KCNK2: variants seen among roughly 807,000 people sequenced by gnomAD.
KCNK2 encodes potassium two pore domain channel subfamily K member 2, also known as potassium channel subfamily K member 2.
KCNK2 carries 21 observed loss-of-function variants against 40.5 expected under a neutral mutation model. The ratio of observed to expected loss-of-function variants is 0.52; its 90% confidence interval spans 0.37 to 0.75. KCNK2 has a LOEUF of 0.75. Among genes scored for constraint, KCNK2 ranks in the 30% least tolerant of loss-of-function variants. The probability of loss-of-function intolerance (pLI) is 0.00; values close to 1 mark genes in which losing one functional copy is unlikely to be tolerated. For missense variants in KCNK2, 399 were observed against 531.6 expected, an observed-to-expected ratio of 0.75 and a Z score of 2.45; for synonymous variants, 191 against 202.2, an observed-to-expected ratio of 0.94 and a Z score of 0.47.
At chr1:215,074,778 C>T (rs1411683142) in intron 1 of KCNK2, among the ~76,000 whole-genome samples, 1 of 151,966 alleles carries the variant, frequency 6.6e-6, no homozygotes, top group Non-Finnish European at 1.5e-5. Context: ...ACCTGTGATG[C>T]CAGAGGTAAG....
intron 3 of KCNK2, among the ~76,000 whole-genome samples, chr1:215,143,583 G>A (rs55804708): frequency 0.095 from 14,520 of 152,056 alleles, 2,268 homozygotes; most frequent in African/African-American, 0.33. Flanking sequence ...GGATAAGTAC[G>A]CCAAAGCATT....
chr1:215,016,825 AG>A (rs1656604428), intron 1 of KCNK2, among the ~76,000 whole-genome samples: 1 of 152,322 alleles, frequency 6.6e-6, no homozygotes, highest in South Asian at 2.1e-4. Flanking sequence ...AAGGAAAAGA[AG>A]AAAATATTTG....
At chr1:215,118,476 G>A (rs1337175794) in intron 2 of KCNK2, among the ~76,000 whole-genome samples, 1 of 152,152 alleles carries the variant, frequency 6.6e-6, no homozygotes, top group Non-Finnish European at 1.5e-5. Flanking sequence ...GTGGTCACAT[G>A]TAGTGTTGTG....
chr1:215,035,506 T>C (rs1657353039), intron 1 of KCNK2, among the ~76,000 whole-genome samples: 1 of 152,072 alleles, frequency 6.6e-6, no homozygotes, highest in Non-Finnish European at 1.5e-5. Context: ...TATGATTGAA[T>C]CTTACATATG....
upstream of KCNK2, among the ~76,000 whole-genome samples, chr1:215,082,514 G>C (rs985391787): frequency 2.0e-5 from 3 of 152,122 alleles, no homozygotes; most frequent in African/African-American, 4.8e-5. Context: ...AGGATTTTGC[G>C]GGGTGGGGAT....
At chr1:215,066,668 T>C (rs1171321367) in intron 1 of KCNK2, among the ~76,000 whole-genome samples, 1 of 152,126 alleles carries the variant, frequency 6.6e-6, no homozygotes, top group East Asian at 1.9e-4. Flanking sequence ...CAATAGTCAG[T>C]AGAGAGGGCT....
chr1:215,065,561 C>T (rs1157492), intron 1 of KCNK2, among the ~76,000 whole-genome samples: 77,938 of 151,904 alleles, frequency 0.51, 20,761 homozygotes, highest in South Asian at 0.81. Context: ...CTTCTTAATG[C>T]CTCAGTTTCA....
chr1:215,029,331 T>A (rs143623466), intron 1 of KCNK2, among the ~76,000 whole-genome samples: 1 of 151,688 alleles, frequency 6.6e-6, no homozygotes, highest in Non-Finnish European at 1.5e-5. Context: ...CCTATCCCCA[T>A]AGTTTTGCCT....
intron 2 of KCNK2, among the ~76,000 whole-genome samples, chr1:215,094,245 A>G (rs1659880411): frequency 6.6e-6 from 1 of 151,870 alleles, no homozygotes; most frequent in Non-Finnish European, 1.5e-5. Flanking sequence ...TTTTGTACCT[A>G]ATTATAGATT....
chr1:215,043,542 T>G (rs1657639177), intron 1 of KCNK2, among the ~76,000 whole-genome samples: 1 of 152,204 alleles, frequency 6.6e-6, no homozygotes. Flanking sequence ...AACAAGCCAT[T>G]CACCAAAGGA....
intron 3 of KCNK2, among the ~76,000 whole-genome samples, chr1:215,158,267 G>C (rs1351737547): frequency 6.6e-6 from 1 of 152,120 alleles, no homozygotes; most frequent in African/African-American, 2.4e-5. Context: ...TCCATTTTGT[G>C]GTCAGTGAAA....
At chr1:215,019,268 C>T (rs537303286) in intron 1 of KCNK2, among the ~76,000 whole-genome samples, 1 of 152,282 alleles carries the variant, frequency 6.6e-6, no homozygotes, top group African/African-American at 2.4e-5. Context: ...TATTATACTT[C>T]GTTTTTACCT....
intron 2 of KCNK2, among the ~76,000 whole-genome samples, chr1:215,092,980 G>C (rs1049609451): frequency 3.3e-5 from 5 of 152,124 alleles, no homozygotes; most frequent in African/African-American, 4.8e-5. Context: ...TGATTATTAG[G>C]ACATCCAAGT....
rs369483419 is a variant in KCNK2, at chr1:215,167,414, T to G, written c.476-1785T>G. On this transcript the variant is annotated intron_variant, in intron 3 of 6. Coordinates refer to ENST00000444842, the MANE Select transcript of KCNK2 (RefSeq NM_001017425.3). Reference sequence around the variant, plus strand: ...CTAAAATCAAAGTTCCAAATTAATTTAATATGAAGGACAGTAAGAGGTTTG... The same window carrying G: ...CTAAAATCAAAGTTCCAAATTAATTGAATATGAAGGACAGTAAGAGGTTTG... Among the ~76,000 whole-genome samples the G allele has an allele frequency of 5.6e-4, 85 of 152,052 alleles. No individual in the cohort carries two copies. The South Asian group carries it at 0.017, about 31-fold the overall frequency.
intron 6 of KCNK2, among the ~76,000 whole-genome samples, chr1:215,210,749 G>A (rs1029374993): frequency 6.6e-6 from 1 of 152,052 alleles, no homozygotes; most frequent in Non-Finnish European, 1.5e-5. Flanking sequence ...CGGTAATAGA[G>A]ATATACAGAA....
intron 2 of KCNK2, among the ~76,000 whole-genome samples, chr1:215,105,575 T>G (rs1660400173): frequency 6.6e-6 from 1 of 152,112 alleles, no homozygotes; most frequent in Admixed American, 6.6e-5. Flanking sequence ...TTCTTTTATT[T>G]TTAATTATTA....
chr1:215,031,181 G>A (rs189093512), intron 1 of KCNK2, among the ~76,000 whole-genome samples: 61 of 152,172 alleles, frequency 4.0e-4, no homozygotes, highest in African/African-American at 1.4e-3. Flanking sequence ...TCAGTCCTCT[G>A]ACTTTTTTAC....
chr1:215,142,442 T>C (rs1662225069), intron 3 of KCNK2, among the ~76,000 whole-genome samples: 1 of 152,172 alleles, frequency 6.6e-6, no homozygotes, highest in Non-Finnish European at 1.5e-5. Flanking sequence ...GGAAAGTAAG[T>C]AATATAGCAT....
intron 1 of KCNK2, among the ~76,000 whole-genome samples, chr1:215,085,054 T>A (rs1379066592): frequency 1.3e-5 from 2 of 152,226 alleles, no homozygotes; most frequent in Non-Finnish European, 1.5e-5. Flanking sequence ...GCAGGGTAGG[T>A]AGCCATGTGA....
Sources: gnomAD v4.1 joint callset for allele counts (sites outside exome capture counted in the v4.1 genomes callset) on GRCh38, gnomAD v4.1.1 for gene constraint, MANE v1.5 for transcripts, NCBI Gene and HGNC (gene_info 2026-07-23, HGNC 2026-07-21) for gene names.